Variants in RBFOX1 observed in about 807,000 individuals in gnomAD.
The protein encoded by RBFOX1 is RNA binding protein fox-1 homolog 1.
Under a neutral mutation model 57.7 loss-of-function variants are expected in RBFOX1, and 8 were observed. The observed-to-expected ratio is 0.14, with a 90% CI of 0.08 to 0.25. RBFOX1 has a LOEUF of 0.25. RBFOX1 is among the 10% of genes least tolerant of loss of function. The pLI is 1.00. For synonymous variants in RBFOX1, 326 were observed against 222.4 expected (o/e 1.47, Z -4.15); for missense variants, 611 against 548.5 (o/e 1.11, Z -1.14).
chr16:6,848,041 A>T (rs1357097353), intron 3 of RBFOX1, among the ~76,000 whole-genome samples: 1 of 152,100 alleles, frequency 6.6e-6, no homozygotes, highest in Non-Finnish European at 1.5e-5. Context: ...CATGTTGGCC[A>T]GGCTGGTCTC....
intron 4 of RBFOX1, among the ~76,000 whole-genome samples, chr16:7,374,772 A>T (rs960495357): frequency 2.0e-5 from 3 of 152,304 alleles, no homozygotes; most frequent in South Asian, 2.1e-4. Context: ...TCACAGCATC[A>T]AGATATCCTG....
chr16:6,385,127 CAGCCTCAGCATGGTG>C (rs1296083003), intron 2 of RBFOX1, among the ~76,000 whole-genome samples: 2 of 152,180 alleles, frequency 1.3e-5, no homozygotes, highest in Non-Finnish European at 2.9e-5. Flanking sequence ...TAACCATGTT[CAGCCTCAGCATGGTG>C]TCATCATGGG....
chr16:6,171,173 C>G (rs111932358), intron 1 of RBFOX1, among the ~76,000 whole-genome samples: 1 of 152,144 alleles, frequency 6.6e-6, no homozygotes, highest in East Asian at 1.9e-4. Context: ...TCTCTTCTTC[C>G]CTCTCTCCTT....
rs2059398980 is a variant in RBFOX1, at chr16:5,946,306, T to G, written c.351+78971T>G. On this transcript the variant is annotated intron_variant, in intron 4 of 19. Coordinates refer to the RBFOX1 transcript ENST00000641259. This position sits in a 1 kb window ranked among gnomAD's most constrained non-coding sequence, Gnocchi z 4.6. Reference sequence around the variant, plus strand: ...ATAGGACCTCCCTCATAGGGTTATTTGAGGCTCAGACTAAATGGATGTGAG... The same window carrying G: ...ATAGGACCTCCCTCATAGGGTTATTGGAGGCTCAGACTAAATGGATGTGAG... Among the ~76,000 whole-genome samples the G allele has an allele frequency of 6.6e-6, 1 of 152,182 alleles. No individual in the cohort carries two copies. The highest frequency in any genetic ancestry group is 1.5e-5 in the Non-Finnish European group (1 of 68,020).
At chr16:6,457,434 G>C (rs529887754) in intron 2 of RBFOX1, among the ~76,000 whole-genome samples, 15 of 52,738 alleles carry the variant, frequency 2.8e-4, no homozygotes, top group African/African-American at 1.2e-3. Context: ...TGAATTTCCG[G>C]AAGTCCCCCC....
intron 4 of RBFOX1, among the ~76,000 whole-genome samples, chr16:7,149,173 C>T (rs557871884): frequency 6.6e-6 from 1 of 152,250 alleles, no homozygotes; most frequent in Admixed American, 6.5e-5. Context: ...TGCCCAGTTT[C>T]CCCAATTCTC....
chr16:6,292,978 C>T (rs980624846), intron 1 of RBFOX1, among the ~76,000 whole-genome samples: 1 of 152,088 alleles, frequency 6.6e-6, no homozygotes, highest in African/African-American at 2.4e-5. Context: ...ACATTGTTGT[C>T]CCCAGGGTAC....
intron 3 of RBFOX1, among the ~76,000 whole-genome samples, chr16:5,828,839 T>G (rs2056167063): frequency 6.6e-6 from 1 of 152,130 alleles, no homozygotes; most frequent in Non-Finnish European, 1.5e-5. Flanking sequence ...CTGGATGCAT[T>G]AGTAATTTAT....
chr16:7,183,786 G>T lies in RBFOX1; in HGVS notation c.27+131688G>T, dbSNP rs113087353. On this transcript the variant is annotated intron_variant, in intron 4 of 15. Coordinates refer to ENST00000550418, the MANE Select transcript of RBFOX1 (RefSeq NM_018723.4). ...TAGGAGGACATTTCATCTCCTTTCAGTGTGGTTCAGCAAGGAGCTATTTAA... is the reference window on the plus strand; with the variant it reads ...TAGGAGGACATTTCATCTCCTTTCATTGTGGTTCAGCAAGGAGCTATTTAA... Among the ~76,000 whole-genome samples the T allele has an allele frequency of 1.7e-3, 262 of 152,320 alleles. 1 individual carries two copies. The highest frequency in any genetic ancestry group is 6.0e-3 in the African/African-American group (250 of 41,576).
chr16:5,713,998 T>C (rs926405206), intron 3 of RBFOX1, among the ~76,000 whole-genome samples: 1 of 152,206 alleles, frequency 6.6e-6, no homozygotes, highest in African/African-American at 2.4e-5. Context: ...GGAAGCTCAC[T>C]CACAGGGCTT....
intron 1 of RBFOX1, among the ~76,000 whole-genome samples, chr16:5,295,638 C>CCGGCCA (rs1239660007): frequency 1.3e-5 from 2 of 152,148 alleles, no homozygotes; most frequent in Non-Finnish European, 2.9e-5. Context: ...TCCATCTGGC[C>CCGGCCA]GCTCATGACA....
chr16:7,512,024 C>T (rs1021528711), intron 4 of RBFOX1, among the ~76,000 whole-genome samples: 1 of 152,172 alleles, frequency 6.6e-6, no homozygotes, highest in South Asian at 2.1e-4. Context: ...GGCAGATCAT[C>T]CTGCTCATCA....
chr16:6,925,228 G>T (rs1264059093), intron 3 of RBFOX1, among the ~76,000 whole-genome samples: 1 of 135,612 alleles, frequency 7.4e-6, no homozygotes, highest in East Asian at 2.4e-4. Flanking sequence ...CTGCCTCCCG[G>T]GCTCAAGCAA....
chr16:6,927,069 C>G (rs757625847), intron 3 of RBFOX1, among the ~76,000 whole-genome samples: 2 of 151,998 alleles, frequency 1.3e-5, no homozygotes, highest in Non-Finnish European at 2.9e-5. Flanking sequence ...TTTTCTTTTC[C>G]TATACCGATG....
At chr16:6,935,711 T>C (rs1331348424) in intron 3 of RBFOX1, among the ~76,000 whole-genome samples, 1 of 152,194 alleles carries the variant, frequency 6.6e-6, no homozygotes, top group Non-Finnish European at 1.5e-5. Flanking sequence ...AGAATCAGTG[T>C]GGCAGCTAAG....
intron 1 of RBFOX1, among the ~76,000 whole-genome samples, chr16:5,332,515 C>T (rs185525201): frequency 4.6e-5 from 7 of 152,168 alleles, no homozygotes; most frequent in South Asian, 2.1e-4. Context: ...CTGCCTACCT[C>T]GGCGTCCCAA....
At chr16:6,112,554 G>A (rs144974339) in intron 1 of RBFOX1, among the ~76,000 whole-genome samples, 2,314 of 152,248 alleles carry the variant, frequency 0.015, 65 homozygotes, top group African/African-American at 0.052. Context: ...AGCTGTGCAT[G>A]GTGGTGCATG....
At chr16:6,961,164 C>CACACACACACACACACAG (rs1382545312) in intron 3 of RBFOX1, among the ~76,000 whole-genome samples, 6 of 150,650 alleles carry the variant, frequency 4.0e-5, no homozygotes, top group South Asian at 4.2e-4. Flanking sequence ...CACACACACG[C>CACACACACACACACACAG]AAAAGAAAGA....
intron 3 of RBFOX1, among the ~76,000 whole-genome samples, chr16:5,627,582 A>G (rs1224725402): frequency 6.6e-6 from 1 of 152,234 alleles, no homozygotes; most frequent in Non-Finnish European, 1.5e-5. Context: ...TTTATAATAA[A>G]TAAGCAACAA....
Sources: allele counts gnomAD v4.1 joint callset (sites outside exome capture counted in the v4.1 genomes callset), GRCh38; gene constraint gnomAD v4.1.1; non-coding constraint Gnocchi (gnomAD v3.1); transcripts MANE v1.5; gene names NCBI Gene and HGNC (gene_info 2026-07-23, HGNC 2026-07-21).